PSMD12: variants seen among roughly 807,000 people sequenced by gnomAD.
PSMD12 encodes the protein proteasome 26S subunit, non-ATPase 12, also known as 26S proteasome non-ATPase regulatory subunit 12.
PSMD12 carries 8 observed loss-of-function variants against 62.9 expected under a neutral mutation model. The observed-to-expected ratio is 0.13, with a 90% CI of 0.07 to 0.23. PSMD12 has a LOEUF of 0.23. PSMD12 is among the 10% of genes least tolerant of loss of function. PSMD12 has a pLI of 1.00. For missense variants in PSMD12, 424 were observed against 550.2 expected (o/e 0.77, Z 2.29); for synonymous variants, 173 against 187.4 (o/e 0.92, Z 0.63).
At chr17:67,357,604 A>AT in intron 1 of PSMD12, 26 bp from the exon 2 acceptor site, 2 of 1,596,630 alleles carry the variant, frequency 1.3e-6, no homozygotes, top group South Asian at 2.2e-5. Context: ...AAAATGAACA[A>AT]TAAAAAAACA....
intron 1 of PSMD12, among the ~76,000 whole-genome samples, chr17:67,360,461 T>G (rs2042119039): frequency 6.6e-6 from 1 of 152,238 alleles, no homozygotes. Context: ...TCAACCATAC[T>G]GACTCTACTC....
chr17:67,340,846 T>C lies in PSMD12; in HGVS notation c.1368A>G (p.Gln456=), dbSNP rs992811117. Reference sequence around the variant, plus strand: ...TTTTTCTAAAGCACTAAGACCCTTATTGTAGATTATGTATCATCTCCTCTT... The same window carrying C: ...TTTTTCTAAAGCACTAAGACCCTTACTGTAGATTATGTATCATCTCCTCTT... ...IAKEEMIHNL[Q] The change falls in exon 11 of 11, where the codon CAA becomes CAG. Residue 456 remains glutamine (Q), a synonymous_variant. Coordinates refer to ENST00000356126, the MANE Select transcript of PSMD12 (RefSeq NM_002816.5). 6.4e-7 allele frequency: 1 copy of C among 1,569,196 alleles called. No homozygotes were observed. Among genetic ancestry groups the C allele is most frequent in the East Asian group, 2.3e-5 (1 of 43,276 alleles).
At chr17:67,357,233 AG>A (rs2042083448) in intron 3 of PSMD12, 69 bp downstream of exon 3, 2 of 1,509,862 alleles carry the variant, frequency 1.3e-6, no homozygotes, top group African/African-American at 2.8e-5. Context: ...ACAGACTTAT[AG>A]AAGAGCTTGT....
chr17:67,346,351 C>T (rs973653634), intron 7 of PSMD12, among the ~76,000 whole-genome samples: 3 of 150,646 alleles, frequency 2.0e-5, no homozygotes, highest in African/African-American at 2.4e-5. Context: ...GCCGAGATTG[C>T]GCCACTGCAC....
chr17:67,354,803 A>G (rs1483880005), intron 3 of PSMD12, among the ~76,000 whole-genome samples: 1 of 151,980 alleles, frequency 6.6e-6, no homozygotes, highest in Admixed American at 6.6e-5. Flanking sequence ...CAACCTGGGC[A>G]ACATGGTGAA....
chr17:67,350,540 A>AT (rs2042007828), intron 3 of PSMD12, among the ~76,000 whole-genome samples: 1 of 152,248 alleles, frequency 6.6e-6, no homozygotes, highest in Non-Finnish European at 1.5e-5. Context: ...AGGTCAGGAA[A>AT]ACCTCAGATG....
chr17:67,361,905 AAAAAGG>A lies in PSMD12; in HGVS notation c.109-4333_109-4328del, dbSNP rs1482849314. Reference sequence around the variant, plus strand: ...AAAAAAAAAAAAAAAAAAAAAAAAAAAAAAGGAAGGAAGGAAGGGAGGGAGGGAGGG... The same window carrying A: ...AAAAAAAAAAAAAAAAAAAAAAAAAAAAGGAAGGAAGGGAGGGAGGGAGGG... On this transcript the variant is annotated intron_variant, in intron 1 of 10. Coordinates refer to ENST00000356126, the MANE Select transcript of PSMD12 (RefSeq NM_002816.5). Among the ~76,000 whole-genome samples, 57 of 96,916 alleles carry A rather than the reference AAAAAGG, an allele frequency of 5.9e-4. 1 individual carries two copies. Among genetic ancestry groups the A allele is most frequent in the African/African-American group, 1.7e-3 (50 of 29,388 alleles). The allele number at this position is 96,916 out of a possible 152,430, so 63.6% of individuals were successfully genotyped here. A position where few individuals can be genotyped will look rare whatever the true frequency, so the allele number is the denominator to read the frequency against.
At chr17:67,343,793 T>C (rs2041938274) in intron 9 of PSMD12, among the ~76,000 whole-genome samples, 1 of 152,136 alleles carries the variant, frequency 6.6e-6, no homozygotes, top group African/African-American at 2.4e-5. Context: ...AACCTCTGCC[T>C]CCTGGGTTCA....
Position 67,350,275 on chromosome 17 carries a change from A to G in PSMD12, c.359T>C (p.Ile120Thr). 6.2e-7 allele frequency: 1 copy of G among 1,613,338 alleles called. No homozygotes were observed. The highest frequency in any genetic ancestry group is 8.5e-7 in the Non-Finnish European group (1 of 1,179,760). ...TYVEEITDLP[I>T]KLRLIDTLRM... is the part of the protein sequence containing the mutation. Reference sequence around the variant, plus strand: ...TAGAGTATCAATTAATCGAAGTTTGATAGGAAGGTCTGTGATTTCCTCAAC... The same window carrying G: ...TAGAGTATCAATTAATCGAAGTTTGGTAGGAAGGTCTGTGATTTCCTCAAC... The change falls in exon 4 of 11, where the codon ATC becomes ACC. Residue 120 changes from isoleucine to threonine, a missense_variant. Transcript: ENST00000356126.
intron 3 of PSMD12, 92 bp from the exon 4 acceptor site, chr17:67,350,428 G>GGAAGACCAAGT: frequency 1.2e-6 from 1 of 852,064 alleles, no homozygotes; most frequent in Non-Finnish European, 1.7e-6. Flanking sequence ...ATCGAACTTG[G>GGAAGACCAAGT]TCTTCCCAAG....
At chr17:67,356,557 C>CAAAAAAAAAAAAAAA (rs35353017) in intron 3 of PSMD12, among the ~76,000 whole-genome samples, 17 of 14,994 alleles carry the variant, frequency 1.1e-3, no homozygotes, top group East Asian at 6.6e-3. Context: ...GACTCCGTCT[C>CAAAAAAAAAAAAAAA]AAAAAAAAAA....
chr17:67,357,202 C>G, intron 3 of PSMD12, 101 bp downstream of exon 3: 1 of 1,325,950 alleles, frequency 7.5e-7, no homozygotes, highest in Non-Finnish European at 1.0e-6. Context: ...GATGTTACAA[C>G]GTTGACTTAA....
At chr17:67,346,404 G>GAA (rs56153169) in intron 7 of PSMD12, among the ~76,000 whole-genome samples, 111 of 143,686 alleles carry the variant, frequency 7.7e-4, no homozygotes, top group Middle Eastern at 7.2e-3. Context: ...AAAAAAAAAA[G>GAA]AAAAAAAAAA....
intron 3 of PSMD12, among the ~76,000 whole-genome samples, chr17:67,356,336 A>G (rs1024771320): frequency 4.5e-4 from 69 of 151,954 alleles, no homozygotes; most frequent in African/African-American, 1.6e-3. Flanking sequence ...AGGCGGGCGG[A>G]TCACGAGGTC....
chr17:67,341,131 G>T, intron 10 of PSMD12, 79 bp from the exon 11 acceptor site: 1 of 1,118,630 alleles, frequency 8.9e-7, no homozygotes, highest in Non-Finnish European at 1.3e-6. Context: ...AGCATTTTCT[G>T]AACTCTTCAT....
chr17:67,350,409 A>T, intron 3 of PSMD12, 73 bp from the exon 4 acceptor site: 1 of 1,133,028 alleles, frequency 8.8e-7, no homozygotes, highest in East Asian at 2.7e-5. Context: ...TATTGATCAA[A>T]GAGCAATGAT....
chr17:67,356,991 C>G (rs768268413), intron 3 of PSMD12, among the ~76,000 whole-genome samples: 5 of 151,976 alleles, frequency 3.3e-5, no homozygotes, highest in Non-Finnish European at 7.4e-5. Flanking sequence ...GCCTGGGTGA[C>G]AGAGTGAGAC....
intron 9 of PSMD12, among the ~76,000 whole-genome samples, chr17:67,343,143 G>C (rs1057234250): frequency 6.6e-6 from 1 of 151,968 alleles, no homozygotes; most frequent in Non-Finnish European, 1.5e-5. Context: ...GGAACAGTGG[G>C]GAGAAAAATG....
At chr17:67,364,836 G>A (rs2042164280) in intron 1 of PSMD12, among the ~76,000 whole-genome samples, 1 of 152,180 alleles carries the variant, frequency 6.6e-6, no homozygotes, top group African/African-American at 2.4e-5. Flanking sequence ...AATTGGCAAA[G>A]ATTATCTGAA....
Sources: allele counts gnomAD v4.1 joint callset (sites outside exome capture counted in the v4.1 genomes callset), GRCh38; gene constraint gnomAD v4.1.1; transcripts MANE v1.5; gene names NCBI Gene and HGNC (gene_info 2026-07-23, HGNC 2026-07-21).